MPPE1: variants seen among roughly 807,000 people sequenced by gnomAD.
MPPE1 encodes the protein metallo phosphoesterase.
Under a neutral mutation model 43.8 loss-of-function variants are expected in MPPE1, and 28 were observed. That is an observed-to-expected ratio of 0.64 (90% CI 0.47 to 0.88). The LOEUF (loss-of-function observed/expected upper bound fraction) is 0.88. Ranked by LOEUF, MPPE1 falls within the 40% of genes least tolerant of loss-of-function variation. The pLI is 0.00. For synonymous variants in MPPE1, 159 were observed against 188.5 expected (o/e 0.84, Z 1.28); for missense variants, 428 against 492.2 (o/e 0.87, Z 1.23).
At chr18:11,895,098 C>T (rs1039187445) in intron 3 of MPPE1, 3 of 152,204 alleles carry the variant, frequency 2.0e-5, no homozygotes, top group Non-Finnish European at 4.4e-5. Flanking sequence ...AAGGCATTTT[C>T]CTGGCTGCTC....
chr18:11,891,015 C>CAATTGTACAAACACCCT (rs1567942503), intron 4 of MPPE1, among the ~76,000 whole-genome samples: 4 of 149,598 alleles, frequency 2.7e-5, no homozygotes, highest in Non-Finnish European at 5.9e-5. Flanking sequence ...CTAAAAATAT[C>CAATTGTACAAACACCCT]AATTGTACAA....
rs1338203601 is a variant in MPPE1, at chr18:11,896,935, AC to A, written c.281+48del. 1.9e-6 allele frequency: 3 copies of A among 1,548,042 alleles called. No homozygotes were observed. In the East Asian group the frequency reaches 6.8e-5, roughly 35 times the overall value. On this transcript the variant is annotated intron_variant, in intron 3 of 10. Coordinates refer to ENST00000588072, the MANE Select transcript of MPPE1 (RefSeq NM_023075.6). ...GCCTTGCCTATGAGGAGAGGGCTAT[AC>A]CGTTTTGCCTACAGAATTTTAGAAA...
intron 2 of MPPE1, among the ~76,000 whole-genome samples, chr18:11,903,909 A>G (rs2060543567): frequency 6.6e-6 from 1 of 152,222 alleles, no homozygotes; most frequent in Non-Finnish European, 1.5e-5. Flanking sequence ...TTCCTGCTCT[A>G]AAGCTTTTTA....
intron 3 of MPPE1, among the ~76,000 whole-genome samples, chr18:11,893,975 A>C (rs76196795): frequency 0.053 from 8,079 of 152,272 alleles, 403 homozygotes; most frequent in African/African-American, 0.14. Flanking sequence ...TTAGCTTCTT[A>C]TTAAAGGGAC....
intron 2 of MPPE1, among the ~76,000 whole-genome samples, chr18:11,899,700 C>A (rs2038944861): frequency 6.6e-6 from 1 of 152,064 alleles, no homozygotes; most frequent in Non-Finnish European, 1.5e-5. Flanking sequence ...AGAAGTCTTA[C>A]GGGGTGGGAG....
chr18:11,885,134 T>C (rs1297954612), intron 10 of MPPE1: 9 of 1,015,554 alleles, frequency 8.9e-6, no homozygotes, highest in Non-Finnish European at 1.2e-5. Flanking sequence ...TTCATTTACT[T>C]TGAATTTGAA....
intron 2 of MPPE1, among the ~76,000 whole-genome samples, chr18:11,898,791 C>A (rs1443987499): frequency 6.6e-6 from 1 of 152,138 alleles, no homozygotes; most frequent in Non-Finnish European, 1.5e-5. Context: ...CAATCAACAA[C>A]TCCTATTCCC....
chr18:11,901,992 G>A (rs1328782637), intron 2 of MPPE1, among the ~76,000 whole-genome samples: 3 of 152,184 alleles, frequency 2.0e-5, no homozygotes, highest in African/African-American at 2.4e-5. Flanking sequence ...TTTATCAGCT[G>A]GTCAAGCTGT....
chr18:11,885,747 C>G lies in MPPE1; in HGVS notation c.937G>C (p.Gly313Arg), dbSNP rs141361459. 479 of 1,614,078 alleles carry G rather than the reference C, an allele frequency of 3.0e-4. 1 individual carries two copies. Among genetic ancestry groups the G allele is most frequent in the Admixed American group, 1.4e-3 (84 of 60,020 alleles). The change falls in exon 10 of 11, where the codon GGG (glycine) becomes CGG (arginine). Residue 313 changes from glycine to arginine, a missense_variant. By Grantham distance (125) the Gly-to-Arg change is moderately radical. This residue lies in a region of MPPE1 where 379 missense variants were observed against 402.5 expected (regional missense o/e 0.94). Coordinates refer to ENST00000588072, the MANE Select transcript of MPPE1 (RefSeq NM_023075.6). ...ACGCTGAGCTCGGGGACTCGGCCCC[C>G]GTGGTGCACCTCGCAGGCGCTGTGC... ...HTHSACEVHH[G>R]GRVPELSVPS...
intron 9 of MPPE1, 73 bp from the exon 10 acceptor site, chr18:11,885,889 C>T (rs764308896): frequency 1.5e-4 from 215 of 1,415,144 alleles, no homozygotes; most frequent in Non-Finnish European, 1.8e-4. Context: ...GCTCAGCAGA[C>T]GGCCGCTGGC....
At chr18:11,898,487 C>A (rs903719797) in intron 2 of MPPE1, among the ~76,000 whole-genome samples, 1 of 152,262 alleles carries the variant, frequency 6.6e-6, no homozygotes, top group Non-Finnish European at 1.5e-5. Flanking sequence ...AGGGGAGGGG[C>A]TTGAATTCTG....
In MPPE1 at chr18:11,885,565, T is replaced by G. The variant is rs375837660; in HGVS notation, c.1008+111A>C. ...GAGCTACGTGTAGAAGGAGAGAAAT[T>G]TGTGTGTGGCTTTTGTAAATTTTGA... On this transcript the variant is annotated intron_variant, in intron 10 of 10. Coordinates refer to ENST00000588072, the MANE Select transcript of MPPE1 (RefSeq NM_023075.6). 3.4e-4 allele frequency: 451 copies of G among 1,339,154 alleles called. 2 individuals are homozygous for G. In the African/African-American group the frequency reaches 6.0e-3, roughly 18 times the overall value. The allele number at this position is 1,339,154 out of a possible 1,614,324, so 83.0% of individuals were successfully genotyped here.
chr18:11,906,316 T>C lies in MPPE1; in HGVS notation c.-199-7A>G, dbSNP rs1306299383. On this transcript the variant is annotated splice_region_variant and splice_polypyrimidine_tract_variant and intron_variant, in intron 1 of 10. Coordinates refer to ENST00000588072, the MANE Select transcript of MPPE1 (RefSeq NM_023075.6). ...AAAATCAGAATTCATTTATCTGAAATGAAACCAAAAATGTGTGTTTTGTCA... is the reference window on the plus strand; with the variant it reads ...AAAATCAGAATTCATTTATCTGAAACGAAACCAAAAATGTGTGTTTTGTCA... The C allele has an allele frequency of 2.0e-5, 3 of 152,148 alleles. No individual in the cohort carries two copies. The highest frequency in any genetic ancestry group is 7.2e-5 in the African/African-American group (3 of 41,428). The allele number at this position is 152,148 out of a possible 1,614,324, so 9.4% of individuals were successfully genotyped here. A position where few individuals can be genotyped will look rare whatever the true frequency, so the allele number is the denominator to read the frequency against.
Position 11,886,708 on chromosome 18 carries a change from C to T in MPPE1, c.744+5G>A. ...TGCCATGAGCCCTTTCCTCCCCCAG[C>T]TCACCTGCAGGAGGACAGGGGCAGA... On this transcript the variant is annotated splice_donor_5th_base_variant and intron_variant, in intron 8 of 10. Coordinates refer to ENST00000588072, the MANE Select transcript of MPPE1 (RefSeq NM_023075.6). The surrounding 1 kb of genome is among the most constrained non-coding windows in gnomAD (Gnocchi z 4.1). The T allele has an allele frequency of 6.2e-7, 1 of 1,613,788 alleles. No individual in the cohort carries two copies. The highest frequency in any genetic ancestry group is 8.5e-7 in the Non-Finnish European group (1 of 1,180,028).
intron 5 of MPPE1, among the ~76,000 whole-genome samples, 165 bp from the exon 6 acceptor site, chr18:11,888,908 A>C (rs2037649904): frequency 6.6e-6 from 1 of 152,206 alleles, no homozygotes; most frequent in South Asian, 2.1e-4. Context: ...TTTTAGTTCC[A>C]CTACTTACTA....
intron 5 of MPPE1, 73 bp downstream of exon 5, chr18:11,889,314 C>G: frequency 1.0e-6 from 1 of 977,940 alleles, no homozygotes; most frequent in Non-Finnish European, 1.5e-6. Context: ...AGGGCTTTCA[C>G]CTGAATTCCA....
chr18:11,887,400 C>T (rs1386131065), intron 6 of MPPE1, among the ~76,000 whole-genome samples: 1 of 152,092 alleles, frequency 6.6e-6, no homozygotes, highest in Non-Finnish European at 1.5e-5. Flanking sequence ...TGTGAGGATT[C>T]AATGAAATGA....
rs769045309 is a variant in MPPE1 at position 11,886,938 on chromosome 18, G to A, written c.657C>T (p.His219=). The A allele has an allele frequency of 1.2e-6, 2 of 1,613,324 alleles. No homozygotes were observed. The highest frequency in any genetic ancestry group is 1.7e-6 in the Non-Finnish European group (2 of 1,179,692). ...CTACCTCTCGGGAGCAGTTCAGTCT[G>A]TGAGAAACTTCAATGAGCTCTGCTT... is the stretch of plus-strand genomic sequence containing the variant. The part of the protein sequence containing the change: ...ETEAELIEVS[H]RLNCSREARG... Residue 219 remains histidine, a synonymous_variant, in exon 7 of 11, where the codon CAC becomes CAT. Coordinates refer to ENST00000588072, the MANE Select transcript of MPPE1 (RefSeq NM_023075.6). This position sits in a 1 kb window ranked among gnomAD's most constrained non-coding sequence, Gnocchi z 4.1.
At chr18:11,892,355 G>GAAAAAAAAA (rs548540889) in intron 4 of MPPE1, among the ~76,000 whole-genome samples, 1 of 93,416 alleles carries the variant, frequency 1.1e-5, no homozygotes, top group Non-Finnish European at 2.4e-5. Context: ...GCACCAAAAA[G>GAAAAAAAAA]AAAAAAAAAA....
Sources: allele counts gnomAD v4.1 joint callset (sites outside exome capture counted in the v4.1 genomes callset), GRCh38; gene constraint gnomAD v4.1.1; regional missense constraint gnomAD v4.1.1; non-coding constraint Gnocchi (gnomAD v3.1); transcripts MANE v1.5; gene names NCBI Gene and HGNC (gene_info 2026-07-23, HGNC 2026-07-21).